PPFIBP1: variants seen among roughly 807,000 people sequenced by gnomAD.
PPFIBP1 encodes the protein liprin-beta-1.
In PPFIBP1, 112 loss-of-function variants were observed where a neutral mutation model predicts 137.8. The observed-to-expected ratio is 0.81, with a 90% CI of 0.70 to 0.95. PPFIBP1 has a LOEUF of 0.95. Ranked by LOEUF, PPFIBP1 falls within the 40% of genes least tolerant of loss-of-function variation. The probability of loss-of-function intolerance (pLI) is 0.00; values close to 1 mark genes in which losing one functional copy is unlikely to be tolerated. For synonymous variants in PPFIBP1, 378 were observed against 417.3 expected (o/e 0.91, Z 1.15); for missense variants, 1,083 against 1,196.6 (o/e 0.91, Z 1.40).
intron 2 of PPFIBP1, among the ~76,000 whole-genome samples, chr12:27,583,578 G>A (rs1421764690): frequency 6.6e-6 from 1 of 152,174 alleles, no homozygotes; most frequent in Admixed American, 6.5e-5. Context: ...CTTTGAACAA[G>A]ATTGGGCCTG....
intron 27 of PPFIBP1, among the ~76,000 whole-genome samples, chr12:27,690,662 T>C (rs1357729447): frequency 6.6e-6 from 1 of 152,260 alleles, no homozygotes; most frequent in Non-Finnish European, 1.5e-5. Context: ...AATCCATGTA[T>C]TGGCAATGCA....
chr12:27,580,136 G>T (rs2050950501), intron 2 of PPFIBP1, among the ~76,000 whole-genome samples: 1 of 152,130 alleles, frequency 6.6e-6, no homozygotes, highest in Non-Finnish European at 1.5e-5. Context: ...ATGTGTCTAG[G>T]GAGACGAATA....
chr12:27,526,724 A>G (rs1312225728), intron 1 of PPFIBP1, among the ~76,000 whole-genome samples: 1 of 152,114 alleles, frequency 6.6e-6, no homozygotes, highest in Non-Finnish European at 1.5e-5. Flanking sequence ...AATCTCAGCT[A>G]CTTGGGAGGC....
chr12:27,620,392 A>G (rs150624689), intron 2 of PPFIBP1, among the ~76,000 whole-genome samples: 82 of 152,240 alleles, frequency 5.4e-4, no homozygotes, highest in African/African-American at 1.9e-3. Context: ...CATCAACTAC[A>G]TGAAGCTCTC....
intron 11 of PPFIBP1, among the ~76,000 whole-genome samples, chr12:27,661,427 G>A (rs990107055): frequency 1.3e-5 from 2 of 152,088 alleles, no homozygotes; most frequent in Admixed American, 1.3e-4. Context: ...ACAGCGGCAT[G>A]GGCTTTACGT....
At chr12:27,546,703 T>C (rs1265382050) in intron 1 of PPFIBP1, among the ~76,000 whole-genome samples, 1 of 152,330 alleles carries the variant, frequency 6.6e-6, no homozygotes, top group Admixed American at 6.5e-5. Context: ...ACAGGAATTG[T>C]TCCCTGTTCT....
At chr12:27,538,423 T>G (rs1357431294) in intron 1 of PPFIBP1, 1 of 152,246 alleles carries the variant, frequency 6.6e-6, no homozygotes, top group Non-Finnish European at 1.5e-5. Flanking sequence ...TTTGAAATTG[T>G]ACTTTGTGAT....
chr12:27,676,962 T>A, intron 18 of PPFIBP1, 102 bp from the exon 19 acceptor site: 1 of 1,452,396 alleles, frequency 6.9e-7, no homozygotes, highest in Non-Finnish European at 9.7e-7. Context: ...CTCCACGGTG[T>A]GTATTTGGCG....
intron 2 of PPFIBP1, among the ~76,000 whole-genome samples, chr12:27,594,268 C>G (rs1462205007): frequency 6.9e-6 from 1 of 145,684 alleles, no homozygotes; most frequent in Non-Finnish European, 1.5e-5. Context: ...ACCTCCACCT[C>G]CTGGGTTCAA....
intron 2 of PPFIBP1, among the ~76,000 whole-genome samples, chr12:27,591,317 T>C (rs1000711298): frequency 6.6e-6 from 1 of 151,980 alleles, no homozygotes; most frequent in Non-Finnish European, 1.5e-5. Context: ...AACCTGTGAT[T>C]GAATGAGGAG....
At chr12:27,632,275 G>T (rs2057320734) in intron 2 of PPFIBP1, among the ~76,000 whole-genome samples, 1 of 152,164 alleles carries the variant, frequency 6.6e-6, no homozygotes, top group African/African-American at 2.4e-5. Context: ...AAAATAAAGT[G>T]GTGAGATTTG....
chr12:27,539,928 C>T (rs1565729470), intron 1 of PPFIBP1, among the ~76,000 whole-genome samples: 2 of 152,082 alleles, frequency 1.3e-5, no homozygotes, highest in African/African-American at 4.8e-5. Flanking sequence ...ATTTTTAAAA[C>T]TTCACATTGT....
intron 2 of PPFIBP1, among the ~76,000 whole-genome samples, chr12:27,629,265 A>C (rs2057089679): frequency 6.6e-6 from 1 of 152,180 alleles, no homozygotes; most frequent in Admixed American, 6.5e-5. Flanking sequence ...AAGAACTTAA[A>C]TGGGATTGAC....
chr12:27,596,099 CACACACACAT>C (rs1270511308), intron 2 of PPFIBP1, among the ~76,000 whole-genome samples: 2 of 147,580 alleles, frequency 1.4e-5, no homozygotes, highest in East Asian at 3.9e-4. Context: ...CACACACACA[CACACACACAT>C]ATGCTTACAA....
chr12:27,614,308 G>A (rs1173461550), intron 2 of PPFIBP1, among the ~76,000 whole-genome samples: 6 of 152,152 alleles, frequency 3.9e-5, no homozygotes, highest in African/African-American at 1.4e-4. Context: ...AAGCCCAGGA[G>A]GTTGAGGCTG....
At chr12:27,624,181 G>A (rs1433431553) in intron 2 of PPFIBP1, among the ~76,000 whole-genome samples, 2 of 152,196 alleles carry the variant, frequency 1.3e-5, no homozygotes, top group Non-Finnish European at 1.5e-5. Context: ...GTGGGAGGCC[G>A]GCAGTCCTGT....
At chr12:27,688,079 C>T in intron 25 of PPFIBP1, 1 of 502,580 alleles carries the variant, frequency 2.0e-6, no homozygotes, top group Non-Finnish European at 3.4e-6. Flanking sequence ...AGAATTAGAC[C>T]CTGTCTTAAA....
At chr12:27,668,040 A>G (rs2059967028) in intron 13 of PPFIBP1, among the ~76,000 whole-genome samples, 1 of 152,130 alleles carries the variant, frequency 6.6e-6, no homozygotes, top group Non-Finnish European at 1.5e-5. Flanking sequence ...ACAACATTAC[A>G]TTGTTAGGAC....
chr12:27,563,551 GTAA>G (rs2049364720), intron 1 of PPFIBP1, among the ~76,000 whole-genome samples: 1 of 151,896 alleles, frequency 6.6e-6, no homozygotes, highest in South Asian at 2.1e-4. Flanking sequence ...GACTTGTAGG[GTAA>G]GAGGAGACTC....
Sources: gnomAD v4.1 joint callset for allele counts (sites outside exome capture counted in the v4.1 genomes callset) on GRCh38, gnomAD v4.1.1 for gene constraint, MANE v1.5 for transcripts, NCBI Gene and HGNC (gene_info 2026-07-23, HGNC 2026-07-21) for gene names.